MLLT3: variants seen among roughly 807,000 people sequenced by gnomAD.
The protein encoded by MLLT3 is protein AF-9.
Under a neutral mutation model 53.2 loss-of-function variants are expected in MLLT3, and 4 were observed. The ratio of observed to expected loss-of-function variants is 0.08; its 90% CI spans 0.04 to 0.17. MLLT3 has a LOEUF of 0.17. Ranked by LOEUF, MLLT3 falls within the 10% of genes least tolerant of loss-of-function variation. The pLI is 1.00. For synonymous variants in MLLT3, 283 were observed against 230.6 expected, an observed-to-expected ratio of 1.23 and a Z score of -2.06; for missense variants, 569 against 684.0, an observed-to-expected ratio of 0.83 and a Z score of 1.87.
chr9:20,497,424 T>G (rs1400569349), intron 2 of MLLT3, among the ~76,000 whole-genome samples: 2 of 152,172 alleles, frequency 1.3e-5, no homozygotes, highest in Non-Finnish European at 2.9e-5. Flanking sequence ...TCCCCGACCT[T>G]CATGATCCTT....
At chr9:20,530,957 G>A (rs1005592919) in intron 2 of MLLT3, among the ~76,000 whole-genome samples, 2 of 151,060 alleles carry the variant, frequency 1.3e-5, no homozygotes, top group Non-Finnish European at 2.9e-5. Flanking sequence ...AGCAAATTAT[G>A]TATTACATAT....
intron 4 of MLLT3, among the ~76,000 whole-genome samples, chr9:20,416,175 A>G (rs1822866600): frequency 2.0e-5 from 3 of 152,042 alleles, no homozygotes; most frequent in Admixed American, 2.0e-4. Context: ...TGGACAAACC[A>G]AATTAAGGAA....
intron 2 of MLLT3, among the ~76,000 whole-genome samples, chr9:20,544,639 T>C (rs897317977): frequency 4.6e-5 from 7 of 152,236 alleles, no homozygotes; most frequent in African/African-American, 1.7e-4. Context: ...TCATTGGGGA[T>C]ACAAAATGGT....
intron 2 of MLLT3, among the ~76,000 whole-genome samples, chr9:20,567,725 T>C (rs1423984908): frequency 6.6e-6 from 1 of 152,178 alleles, no homozygotes; most frequent in African/African-American, 2.4e-5. Flanking sequence ...CAATAATGTA[T>C]ATTTTGAAAT....
At chr9:20,537,442 C>G (rs6475458) in intron 2 of MLLT3, among the ~76,000 whole-genome samples, 69,510 of 151,964 alleles carry the variant, frequency 0.46, 16,320 homozygotes, top group East Asian at 0.65. Context: ...TATTTTCCTA[C>G]AGATGATTAT....
At chr9:20,473,673 C>G (rs796376940) in intron 2 of MLLT3, among the ~76,000 whole-genome samples, 3 of 152,090 alleles carry the variant, frequency 2.0e-5, no homozygotes, top group African/African-American at 7.2e-5. Flanking sequence ...CCCATAAGAA[C>G]TGTCAAGAAC....
chr9:20,492,748 A>G (rs1257161790), intron 2 of MLLT3, among the ~76,000 whole-genome samples: 1 of 152,020 alleles, frequency 6.6e-6, no homozygotes. Context: ...GAAAACTAAA[A>G]TCTCTAACTT....
intron 2 of MLLT3, among the ~76,000 whole-genome samples, chr9:20,566,072 A>ATC (rs1819370207): frequency 1.4e-5 from 2 of 138,468 alleles, no homozygotes; most frequent in South Asian, 4.4e-4. Context: ...ATATTTGTGT[A>ATC]TATATATATA....
In MLLT3 at chr9:20,417,520, C is replaced by A. The variant is rs183036157; in HGVS notation, c.421-3095G>T. Reference sequence around the variant, plus strand: ...TAATTAGCATTCAATGTAAAGTTTACACATGTATAATTCAAATTCTCTTCG... The same window carrying A: ...TAATTAGCATTCAATGTAAAGTTTAAACATGTATAATTCAAATTCTCTTCG... On this transcript the variant is annotated intron_variant, in intron 4 of 10. Coordinates refer to ENST00000380338, the MANE Select transcript of MLLT3 (RefSeq NM_004529.4). Among the ~76,000 whole-genome samples, 3 of 151,810 alleles carry A rather than the reference C, an allele frequency of 2.0e-5. No homozygotes were observed. In the South Asian group the frequency reaches 6.2e-4, roughly 32 times the overall value.
At chr9:20,526,834 G>T (rs576635410) in intron 2 of MLLT3, among the ~76,000 whole-genome samples, 1 of 152,136 alleles carries the variant, frequency 6.6e-6, no homozygotes, top group South Asian at 2.1e-4. Context: ...AGCAATTCTG[G>T]TGGTGGTGTA....
At chr9:20,606,870 G>A (rs1820584266) in intron 2 of MLLT3, among the ~76,000 whole-genome samples, 1 of 152,190 alleles carries the variant, frequency 6.6e-6, no homozygotes, top group Admixed American at 6.5e-5. Flanking sequence ...TGAATTTCAA[G>A]ATTATTCTTT....
chr9:20,621,713 G>A lies in MLLT3; in HGVS notation c.12+532C>T. The A allele has an allele frequency of 6.8e-7, 1 of 1,468,436 alleles. No homozygotes were observed. The highest frequency in any genetic ancestry group is 2.3e-5 in the Admixed American group (1 of 44,202). The allele number at this position is 1,468,436 out of a possible 1,614,324, so 91.0% of individuals were successfully genotyped here. The stretch of plus-strand genomic sequence containing the variant: ...CGGCGCTGGGGCAAAGTTGCGTGCG[G>A]CCCCGCCGCTGTCAGCCCCGCACAC... On this transcript the variant is annotated intron_variant, in intron 1 of 10. Coordinates refer to ENST00000380338, the MANE Select transcript of MLLT3 (RefSeq NM_004529.4). This position sits in a 1 kb window ranked among gnomAD's most constrained non-coding sequence, Gnocchi z 7.0.
chr9:20,428,865 T>G (rs1279253712), intron 4 of MLLT3, among the ~76,000 whole-genome samples: 1 of 152,042 alleles, frequency 6.6e-6, no homozygotes, highest in Non-Finnish European at 1.5e-5. Context: ...ATAATTTTAT[T>G]GCAACAAATG....
At chr9:20,533,729 G>A (rs745552614) in intron 2 of MLLT3, among the ~76,000 whole-genome samples, 1 of 152,174 alleles carries the variant, frequency 6.6e-6, no homozygotes, top group Non-Finnish European at 1.5e-5. Flanking sequence ...TAAAAGAGAA[G>A]GACATCCTGC....
chr9:20,527,763 G>A (rs1818239788), intron 2 of MLLT3, among the ~76,000 whole-genome samples: 1 of 152,158 alleles, frequency 6.6e-6, no homozygotes, highest in South Asian at 2.1e-4. Flanking sequence ...AAAAAAATGT[G>A]CTCAAATTGA....
chr9:20,609,953 A>T (rs1820659771), intron 2 of MLLT3, among the ~76,000 whole-genome samples: 1 of 152,174 alleles, frequency 6.6e-6, no homozygotes, highest in Non-Finnish European at 1.5e-5. Context: ...TCTATTGTCT[A>T]GCATGATAAC....
At chr9:20,618,585 A>C (rs1820898216) in intron 2 of MLLT3, among the ~76,000 whole-genome samples, 1 of 152,198 alleles carries the variant, frequency 6.6e-6, no homozygotes, top group African/African-American at 2.4e-5. Context: ...CTGCATAGAG[A>C]ACCTCCACAG....
At chr9:20,386,281 A>C (rs1360172258) in intron 5 of MLLT3, among the ~76,000 whole-genome samples, 1 of 152,218 alleles carries the variant, frequency 6.6e-6, no homozygotes, top group Non-Finnish European at 1.5e-5. Context: ...GTGGCACAAA[A>C]TAATGTTTCA....
intron 2 of MLLT3, among the ~76,000 whole-genome samples, chr9:20,579,678 G>A (rs976273686): frequency 6.6e-6 from 1 of 152,174 alleles, no homozygotes; most frequent in Non-Finnish European, 1.5e-5. Flanking sequence ...GAGGAAATGT[G>A]GACTTGTGGT....
Sources: gnomAD v4.1 joint callset for allele counts (sites outside exome capture counted in the v4.1 genomes callset) on GRCh38, gnomAD v4.1.1 for gene constraint, Gnocchi (gnomAD v3.1) non-coding constraint, MANE v1.5 for transcripts, NCBI Gene and HGNC (gene_info 2026-07-23, HGNC 2026-07-21) for gene names.